The following CEP83 variants were observed in gnomAD, a reference collection of about 807,000 sequenced individuals.
The protein encoded by CEP83 is centrosomal protein of 83 kDa.
In CEP83, 70 loss-of-function variants were observed where a neutral mutation model predicts 101.9. The observed-to-expected ratio is 0.69, with a 90% CI of 0.57 to 0.84. The LOEUF is 0.84. Among genes scored for constraint, CEP83 ranks in the 40% least tolerant of loss-of-function variants. CEP83 has a pLI of 0.00. For missense variants in CEP83, 715 were observed against 787.2 expected (o/e 0.91, Z 1.10); for synonymous variants, 264 against 267.9 (o/e 0.99, Z 0.14).
chr12:94,417,729 A>G (rs1170752788), intron 2 of CEP83, among the ~76,000 whole-genome samples: 1 of 152,064 alleles, frequency 6.6e-6, no homozygotes, highest in Non-Finnish European at 1.5e-5. Context: ...CAGGGGTTGC[A>G]GTGAGCTGTG....
downstream of CEP83, chr12:94,303,748 T>A: frequency 3.6e-6 from 5 of 1,407,266 alleles, no homozygotes; most frequent in African/African-American, 7.7e-5. Flanking sequence ...TTTTTTTTTT[T>A]TCCCCAGGAA....
At chr12:94,390,639 C>T (rs924842814) in intron 6 of CEP83, among the ~76,000 whole-genome samples, 9 of 152,194 alleles carry the variant, frequency 5.9e-5, no homozygotes, top group African/African-American at 2.2e-4. Flanking sequence ...GACAAGTTGA[C>T]AGAAGTAGGC....
rs116931335 is a variant in CEP83 at position 94,349,012 on chromosome 12, G to T, written c.1344-13348C>A. On this transcript the variant is annotated intron_variant, in intron 11 of 16. Transcript: ENST00000397809. ...AAGTGTTTGTCTAATCCCACCAGGT[G>T]TGGTGGCTCACACTTGTAATCCCAG... 7.8e-4 allele frequency among the ~76,000 whole-genome samples: 119 copies of T among 152,162 alleles called. 1 individual carries two copies. The East Asian group carries it at 0.022, about 28-fold the overall frequency.
chr12:94,460,061 C>T (rs1479587408), upstream of CEP83: 1 of 152,276 alleles, frequency 6.6e-6, no homozygotes, highest in African/African-American at 2.4e-5. Context: ...ACAAACGAAC[C>T]GAGGCGGGAG....
rs2063943955 is a variant in CEP83, at chr12:94,412,420, A to G, written c.71T>C (p.Leu24Ser). The G allele has an allele frequency of 6.2e-7, 1 of 1,612,728 alleles. No homozygotes were observed. The highest frequency in any genetic ancestry group is 8.5e-7 in the Non-Finnish European group (1 of 1,179,320). Residue 24 changes from leucine (L) to serine (S), a missense_variant, in exon 3 of 17, where the codon TTG becomes TCG. By Grantham distance (145) the Leu-to-Ser change is moderately radical. Coordinates refer to ENST00000397809, the MANE Select transcript of CEP83 (RefSeq NM_016122.3). Reference sequence around the variant, plus strand: ...CTGGAACTCCGACTGAGAACCTGTCAATCCACTGTCTCCACCAGGAGGAAA... The same window carrying G: ...CTGGAACTCCGACTGAGAACCTGTCGATCCACTGTCTCCACCAGGAGGAAA... ...NNFPPGGDSG[L>S]TGSQSEFQKM...
intron 11 of CEP83, among the ~76,000 whole-genome samples, chr12:94,343,745 G>A (rs899661720): frequency 8.7e-5 from 13 of 150,226 alleles, no homozygotes; most frequent in African/African-American, 1.7e-4. Context: ...CACCCGCCTC[G>A]GCCTCCCAAA....
At chr12:94,351,255 G>C (rs976376619) in intron 11 of CEP83, among the ~76,000 whole-genome samples, 1 of 152,138 alleles carries the variant, frequency 6.6e-6, no homozygotes, top group Non-Finnish European at 1.5e-5. Flanking sequence ...CCTAGCTACA[G>C]AAGAGCCCTA....
At chr12:94,314,713 CAGA>C (rs1323939430) in intron 14 of CEP83, among the ~76,000 whole-genome samples, 1 of 152,216 alleles carries the variant, frequency 6.6e-6, no homozygotes, top group Non-Finnish European at 1.5e-5. Flanking sequence ...TCCAACATCT[CAGA>C]AGGCTTCCTT....
chr12:94,417,292 G>A (rs989810480), intron 2 of CEP83, among the ~76,000 whole-genome samples: 1 of 151,786 alleles, frequency 6.6e-6, no homozygotes, highest in Non-Finnish European at 1.5e-5. Flanking sequence ...CTCTAGCCCA[G>A]GCAACAAAGC....
rs1277472976 is a variant in CEP83 at position 94,375,964 on chromosome 12, T to C, written c.855A>G (p.Gln285=). Residue 285 remains glutamine, a synonymous_variant, in exon 8 of 17, where the codon CAA becomes CAG. Transcript: ENST00000397809. ...LRAERLEKEL[Q]SSSEQNTFLI... ...AAAAGGTATTTTGTTCACTGCTTGA[T>C]TGTAGCTCTTTTTCCAAACGTTCTG... is the stretch of plus-strand genomic sequence containing the variant. 5.7e-6 allele frequency: 9 copies of C among 1,569,534 alleles called. No homozygotes were observed. Among genetic ancestry groups the C allele is most frequent in the Non-Finnish European group, 6.9e-6 (8 of 1,151,286 alleles).
chr12:94,342,745 T>C (rs954662010), intron 11 of CEP83, among the ~76,000 whole-genome samples: 1 of 151,364 alleles, frequency 6.6e-6, no homozygotes, highest in African/African-American at 2.4e-5. Context: ...ATGGAAACTA[T>C]ATGAAAACAG....
chr12:94,270,055 G>A, the CEP83 span, among the ~76,000 whole-genome samples: 3 of 152,158 alleles, frequency 2.0e-5, no homozygotes, highest in East Asian at 3.9e-4. Flanking sequence ...TAGCTCAAAT[G>A]TGACTCTATT....
At chr12:94,393,428 C>T (rs750792456) in intron 6 of CEP83, among the ~76,000 whole-genome samples, 11 of 152,202 alleles carry the variant, frequency 7.2e-5, no homozygotes, top group Non-Finnish European at 1.5e-4. Flanking sequence ...TTCAACAGAA[C>T]TTCATGCTAA....
At chr12:94,352,789 CCAGT>C (rs1252260565) in intron 11 of CEP83, among the ~76,000 whole-genome samples, 3 of 152,094 alleles carry the variant, frequency 2.0e-5, no homozygotes, top group African/African-American at 7.2e-5. Context: ...TTAAAATAAT[CCAGT>C]CAGACAAATA....
downstream of CEP83, chr12:94,306,063 T>A (rs1027358400): frequency 1.3e-5 from 2 of 152,170 alleles, no homozygotes; most frequent in African/African-American, 4.8e-5. Flanking sequence ...TATTTGATAG[T>A]GGACATGTTG....
At position 94,320,690 on chromosome 12, in the gene CEP83, G is replaced by T. The variant is rs547182345; in HGVS notation, c.1708-7673C>A. Among the ~76,000 whole-genome samples the T allele has an allele frequency of 2.6e-5, 4 of 152,270 alleles. No homozygotes were observed. In the South Asian group the frequency reaches 8.3e-4, roughly 32 times the overall value. On this transcript the variant is annotated intron_variant, in intron 14 of 16. Coordinates refer to ENST00000397809, the MANE Select transcript of CEP83 (RefSeq NM_016122.3). ...GCTGGATATGAAATTCTTGGTTGAA[G>T]ATTTTTTTAAGAATGTTGACTATAG... is the stretch of plus-strand genomic sequence containing the variant.
chr12:94,368,096 T>A lies in CEP83; in HGVS notation c.1154A>T (p.Glu385Val), dbSNP rs765689929. ...ELIRKVQAAK[E>V]EGYQKLVVLQ... ...TACCACAAGTTTTTGATAACCTTCT[T>A]CTTTGGCAGCTTGTACTTTACGTAT... Residue 385 changes from glutamate (E) to valine (V), a missense_variant, in exon 10 of 17, where the codon GAA (glutamate) becomes GTA (valine). Transcript: ENST00000397809. 2 of 1,613,472 alleles carry A rather than the reference T, an allele frequency of 1.2e-6. No individual in the cohort carries two copies. The highest frequency in any genetic ancestry group is 1.7e-6 in the Non-Finnish European group (2 of 1,179,726).
At chr12:94,416,474 C>T (rs1229069551) in intron 2 of CEP83, among the ~76,000 whole-genome samples, 3 of 151,860 alleles carry the variant, frequency 2.0e-5, no homozygotes, top group African/African-American at 7.3e-5. Flanking sequence ...AGCCTACTCT[C>T]TAGCCAAAGG....
intron 11 of CEP83, among the ~76,000 whole-genome samples, chr12:94,365,753 G>C (rs1422396920): frequency 6.8e-5 from 9 of 132,820 alleles, no homozygotes; most frequent in Admixed American, 8.4e-5. Flanking sequence ...CTGGGCAACA[G>C]AGCAAGACTG....
Sources: allele counts gnomAD v4.1 joint callset (sites outside exome capture counted in the v4.1 genomes callset), GRCh38; gene constraint gnomAD v4.1.1; transcripts MANE v1.5; gene names NCBI Gene and HGNC (gene_info 2026-07-23, HGNC 2026-07-21).